The following ATP8B4 variants were observed in gnomAD, a reference collection of about 807,000 sequenced individuals.
ATP8B4 encodes probable phospholipid-transporting ATPase IM.
In ATP8B4, 133 loss-of-function variants were observed where a neutral mutation model predicts 145.6. That is an observed-to-expected ratio of 0.91 (90% confidence interval 0.79 to 1.05). ATP8B4 has a LOEUF of 1.05. Among genes scored for constraint, ATP8B4 ranks in the 50% least tolerant of loss-of-function variants. ATP8B4 has a pLI of 0.00. For missense variants in ATP8B4, 1,458 were observed against 1,425.2 expected, an observed-to-expected ratio of 1.02 and a Z score of -0.37; for synonymous variants, 507 against 492.9, an observed-to-expected ratio of 1.03 and a Z score of -0.38.
chr15:50,050,254 G>A (rs1306256321), intron 3 of ATP8B4, among the ~76,000 whole-genome samples: 1 of 152,158 alleles, frequency 6.6e-6, no homozygotes, highest in African/African-American at 2.4e-5. Context: ...ACAAGTCTAT[G>A]TATAGTAAGG....
chr15:50,101,890 A>T (rs1475197034), intron 2 of ATP8B4, among the ~76,000 whole-genome samples: 1 of 152,140 alleles, frequency 6.6e-6, no homozygotes, highest in East Asian at 1.9e-4. Context: ...TATAGCAAGT[A>T]CTCTCTTAAA....
Position 49,931,271 on chromosome 15 carries a change from C to T in ATP8B4, c.1490G>A (p.Gly497Glu), listed in dbSNP as rs2041229670. The T allele has an allele frequency of 6.2e-7, 1 of 1,612,522 alleles. No individual in the cohort carries two copies. Among genetic ancestry groups the T allele is most frequent in the Non-Finnish European group, 8.5e-7 (1 of 1,179,138 alleles). ...ATTTCTAGCGGCAGTCACTAGAGCC[C>T]CTTCATCAGGTGACTGAACTTGGTA... ...LIYQVQSPDEGALVTAARNFG... is the reference protein window; with the variant it reads ...LIYQVQSPDEEALVTAARNFG... Residue 497 changes from glycine (G) to glutamate (E), a missense_variant, in exon 16 of 28, where the codon GGG becomes GAG. Transcript: ENST00000284509.
chr15:49,901,180 CA>C lies in ATP8B4; in HGVS notation c.2200del (p.Cys734ValfsTer13), dbSNP rs2037987898. On this transcript the variant is annotated frameshift_variant, in exon 21 of 28. Coordinates refer to ENST00000284509, the MANE Select transcript of ATP8B4 (RefSeq NM_024837.4). LOFTEE classifies it high-confidence loss of function. ...NRNFSNGHVVCEKKQQLELDS... is the reference protein window; with the variant it reads ...NRNFSNGHVVXEKKQQLELDS... ...CAACTCCAGCTGCTGCTTTTTTTCA[CA>C]AACTACATGGCCATTGGAAAAATTT... 3.1e-6 allele frequency: 5 copies of C among 1,613,528 alleles called. No individual in the cohort carries two copies. In the African/African-American group the frequency reaches 4.0e-5, roughly 13 times the overall value.
Position 50,044,616 on chromosome 15 carries a change from A to C in ATP8B4, c.278T>G (p.Val93Gly). ...PLVLVITMTA[V>G]KDATDDYFRH... Reference sequence around the variant, plus strand: ...CACATAGTCATCTGTGGCATCTTTGACAGCTGTCATAGTTATCACCAGGAC... The same window carrying C: ...CACATAGTCATCTGTGGCATCTTTGCCAGCTGTCATAGTTATCACCAGGAC... The change falls in exon 5 of 28, where the codon GTC (valine) becomes GGC (glycine). Residue 93 changes from valine to glycine, a missense_variant. Physicochemically the swap from Val to Gly is moderately radical, Grantham distance 109. Transcript: ENST00000284509. The C allele has an allele frequency of 6.2e-7, 1 of 1,612,270 alleles. No homozygotes were observed. Among genetic ancestry groups the C allele is most frequent in the Non-Finnish European group, 8.5e-7 (1 of 1,178,702 alleles).
intron 9 of ATP8B4, among the ~76,000 whole-genome samples, chr15:49,994,666 T>A (rs2047284289): frequency 6.6e-6 from 1 of 151,968 alleles, no homozygotes; most frequent in Non-Finnish European, 1.5e-5. Context: ...ATTGAGAGTG[T>A]AAGGAGTCAT....
At chr15:50,046,025 T>C (rs2051690312) in intron 4 of ATP8B4, among the ~76,000 whole-genome samples, 3 of 152,210 alleles carry the variant, frequency 2.0e-5, no homozygotes, top group Admixed American at 6.5e-5. Context: ...TTCTCAAATA[T>C]ACTCCTATTT....
chr15:49,866,295 A>C (rs1405244166), intron 26 of ATP8B4, 51 bp downstream of exon 26: 2 of 1,579,678 alleles, frequency 1.3e-6, no homozygotes, highest in Admixed American at 3.6e-5. Flanking sequence ...ATTATAAGAC[A>C]AGTAAACAGC....
intron 14 of ATP8B4, among the ~76,000 whole-genome samples, chr15:49,950,590 TAA>T (rs766902500): frequency 1.3e-4 from 6 of 46,334 alleles, no homozygotes; most frequent in African/African-American, 3.4e-4. Context: ...ATGTATTAAC[TAA>T]AAAAAAAAAA....
intron 1 of ATP8B4, among the ~76,000 whole-genome samples, chr15:50,167,030 A>G (rs2044606427): frequency 6.6e-6 from 1 of 152,218 alleles, no homozygotes; most frequent in Non-Finnish European, 1.5e-5. Flanking sequence ...AATTTTACTC[A>G]CCATGAGGCC....
chr15:50,112,209 C>G (rs2056980097), intron 1 of ATP8B4, among the ~76,000 whole-genome samples: 1 of 152,044 alleles, frequency 6.6e-6, no homozygotes, highest in Non-Finnish European at 1.5e-5. Context: ...GGAGCCAGGG[C>G]AGTTGAGGAA....
chr15:50,032,191 C>G (rs1312358872), intron 6 of ATP8B4, among the ~76,000 whole-genome samples: 1 of 152,050 alleles, frequency 6.6e-6, no homozygotes, highest in African/African-American at 2.4e-5. Context: ...CCTTGCCCCC[C>G]ACCCCCTGAC....
intron 1 of ATP8B4, among the ~76,000 whole-genome samples, chr15:50,138,676 T>C (rs1231582373): frequency 1.3e-5 from 2 of 152,250 alleles, no homozygotes; most frequent in African/African-American, 4.8e-5. Flanking sequence ...TGAATTTCAC[T>C]GACTGGAAAT....
intron 24 of ATP8B4, 45 bp from the exon 25 acceptor site, chr15:49,876,568 C>T (rs774517826): frequency 1.9e-6 from 3 of 1,610,094 alleles, no homozygotes; most frequent in African/African-American, 1.3e-5. Context: ...TAAAAAGAGT[C>T]AGAGAGGCCT....
intron 23 of ATP8B4, chr15:49,880,602 T>C (rs1041077457): frequency 6.6e-6 from 1 of 152,194 alleles, no homozygotes; most frequent in African/African-American, 2.4e-5. Context: ...CTGGATGCTA[T>C]GCTGAGAAGA....
chr15:50,105,674 T>C (rs898627142), intron 2 of ATP8B4, among the ~76,000 whole-genome samples: 1 of 152,208 alleles, frequency 6.6e-6, no homozygotes, highest in Non-Finnish European at 1.5e-5. Context: ...CAAGTAGTTA[T>C]TTCTAGGTGG....
intron 1 of ATP8B4, among the ~76,000 whole-genome samples, chr15:50,175,345 T>G (rs1567419869): frequency 6.6e-6 from 1 of 151,852 alleles, no homozygotes; most frequent in Non-Finnish European, 1.5e-5. Flanking sequence ...AACAGCAGAG[T>G]AAATAGACAA....
intron 3 of ATP8B4, among the ~76,000 whole-genome samples, chr15:50,065,965 C>A: frequency 6.8e-6 from 1 of 147,440 alleles, no homozygotes; most frequent in African/African-American, 2.5e-5. Context: ...CTTTAATATG[C>A]CATTTTAGAA....
At chr15:50,027,485 A>G (rs2050100885) in intron 6 of ATP8B4, among the ~76,000 whole-genome samples, 1 of 152,144 alleles carries the variant, frequency 6.6e-6, no homozygotes, top group South Asian at 2.1e-4. Context: ...GCCCTAGTAC[A>G]TGCTGATTGA....
intron 6 of ATP8B4, among the ~76,000 whole-genome samples, chr15:50,026,727 C>G (rs149652411): frequency 4.7e-4 from 72 of 152,312 alleles, no homozygotes; most frequent in African/African-American, 1.7e-3. Context: ...GACTGAACCT[C>G]AGCCTCCTGA....
Sources: gnomAD v4.1 joint callset for allele counts (sites outside exome capture counted in the v4.1 genomes callset) on GRCh38, gnomAD v4.1.1 for gene constraint, MANE v1.5 for transcripts, NCBI Gene and HGNC (gene_info 2026-07-23, HGNC 2026-07-21) for gene names.